The following MAPKAP1 variants were observed in gnomAD, a reference collection of about 807,000 sequenced individuals.
The protein encoded by MAPKAP1 is MAPK associated protein 1, also known as target of rapamycin complex 2 subunit MAPKAP1.
Under a neutral mutation model 65.7 loss-of-function variants are expected in MAPKAP1, and 20 were observed. The observed-to-expected ratio is 0.30, with a 90% CI of 0.21 to 0.44. MAPKAP1 has a LOEUF of 0.44. Ranked by LOEUF, MAPKAP1 falls within the 20% of genes least tolerant of loss-of-function variation. The pLI is 1.00. For missense variants in MAPKAP1, 423 were observed against 648.0 expected (o/e 0.65, Z 3.77); for synonymous variants, 222 against 244.3 (o/e 0.91, Z 0.85).
intron 7 of MAPKAP1, among the ~76,000 whole-genome samples, chr9:125,526,063 G>C (rs1757058111): frequency 6.6e-6 from 1 of 152,236 alleles, no homozygotes; most frequent in African/African-American, 2.4e-5. Context: ...CCGAGATTCA[G>C]GCTTGCTGGC....
At chr9:125,457,090 G>T (rs1853200078) in intron 10 of MAPKAP1, among the ~76,000 whole-genome samples, 1 of 151,306 alleles carries the variant, frequency 6.6e-6, no homozygotes, top group Non-Finnish European at 1.5e-5. Flanking sequence ...CTGGGTTCAA[G>T]CGATTCTCCT....
chr9:125,472,784 C>T (rs1227041735), intron 9 of MAPKAP1, among the ~76,000 whole-genome samples: 1 of 152,096 alleles, frequency 6.6e-6, no homozygotes, highest in Non-Finnish European at 1.5e-5. Flanking sequence ...GACAGGAAAA[C>T]CATTTATAAA....
intron 6 of MAPKAP1, chr9:125,559,242 G>A (rs934026636): frequency 6.4e-6 from 1 of 156,356 alleles, no homozygotes; most frequent in Non-Finnish European, 1.4e-5. Flanking sequence ...AATTTGGTCT[G>A]AGAGAAAATT....
intron 4 of MAPKAP1, among the ~76,000 whole-genome samples, chr9:125,622,565 C>A (rs1160196901): frequency 2.0e-5 from 3 of 151,828 alleles, no homozygotes; most frequent in Non-Finnish European, 1.5e-5. Context: ...CCTGCCTCAG[C>A]CTCCTGAGTA....
At chr9:125,653,730 A>G (rs1833955659) in intron 4 of MAPKAP1, among the ~76,000 whole-genome samples, 1 of 152,234 alleles carries the variant, frequency 6.6e-6, no homozygotes, top group Non-Finnish European at 1.5e-5. Context: ...TTACTACAGA[A>G]TAGGTTGCTT....
At chr9:125,442,354 G>A (rs1009967352) in intron 11 of MAPKAP1, among the ~76,000 whole-genome samples, 7 of 152,048 alleles carry the variant, frequency 4.6e-5, no homozygotes, top group Admixed American at 1.3e-4. Context: ...CATCTGCTTC[G>A]AGGGAGCATT....
intron 5 of MAPKAP1, chr9:125,565,581 A>G (rs971965956): frequency 1.7e-5 from 5 of 292,770 alleles, no homozygotes; most frequent in South Asian, 1.7e-4. Context: ...AAGGGAAAAA[A>G]GGTCATGAGG....
At chr9:125,463,020 G>T (rs1853554263) in intron 10 of MAPKAP1, among the ~76,000 whole-genome samples, 1 of 152,214 alleles carries the variant, frequency 6.6e-6, no homozygotes, top group African/African-American at 2.4e-5. Flanking sequence ...CTCTGGTTCA[G>T]CTCTAATATC....
Position 125,518,127 on chromosome 9 carries a change from T to C in MAPKAP1, c.959-11710A>G, listed in dbSNP as rs922404541. Reference sequence around the variant, plus strand: ...GCTAATATTCCTATCCTAAGAAATATTAGCCCAAGTATACAATGATGTATG... The same window carrying C: ...GCTAATATTCCTATCCTAAGAAATACTAGCCCAAGTATACAATGATGTATG... On this transcript the variant is annotated intron_variant, in intron 7 of 11. Transcript: ENST00000265960. Among the ~76,000 whole-genome samples the C allele has an allele frequency of 3.3e-5, 5 of 152,344 alleles. No homozygotes were observed. In the East Asian group the frequency reaches 7.7e-4, roughly 23 times the overall value.
chr9:125,693,948 C>G (rs998836118), intron 1 of MAPKAP1, among the ~76,000 whole-genome samples: 16 of 151,988 alleles, frequency 1.1e-4, no homozygotes, highest in African/African-American at 2.9e-4. Context: ...GAGGAAGTTC[C>G]CTTGAGCCCA....
chr9:125,491,763 G>C (rs2133054010), intron 8 of MAPKAP1, among the ~76,000 whole-genome samples: 1 of 150,492 alleles, frequency 6.6e-6, no homozygotes, highest in Middle Eastern at 3.4e-3. Flanking sequence ...CCTTGTGACA[G>C]AGACCCTATC....
intron 4 of MAPKAP1, among the ~76,000 whole-genome samples, chr9:125,638,892 G>A (rs1232897536): frequency 6.6e-6 from 1 of 152,220 alleles, no homozygotes; most frequent in African/African-American, 2.4e-5. Context: ...GGGAAAACAT[G>A]GAGCCACTTA....
At chr9:125,667,797 A>T (rs1167124475) in intron 3 of MAPKAP1, among the ~76,000 whole-genome samples, 1 of 152,226 alleles carries the variant, frequency 6.6e-6, no homozygotes, top group Non-Finnish European at 1.5e-5. Flanking sequence ...AGGAGCTTAA[A>T]TAAACTTGCT....
intron 4 of MAPKAP1, among the ~76,000 whole-genome samples, chr9:125,598,809 G>A (rs1012960984): frequency 2.6e-5 from 4 of 152,108 alleles, no homozygotes; most frequent in Admixed American, 1.3e-4. Flanking sequence ...GGAGGCTGAG[G>A]CAGCTGGATC....
At chr9:125,536,950 A>G (rs552153716) in intron 7 of MAPKAP1, among the ~76,000 whole-genome samples, 1 of 152,392 alleles carries the variant, frequency 6.6e-6, no homozygotes, top group Admixed American at 6.5e-5. Context: ...TTGTGCAATT[A>G]CAAAAAGAAT....
At chr9:125,446,902 G>C (rs987807142) in intron 10 of MAPKAP1, among the ~76,000 whole-genome samples, 7 of 152,158 alleles carry the variant, frequency 4.6e-5, no homozygotes, top group Non-Finnish European at 8.8e-5. Flanking sequence ...ACTTTAAGCA[G>C]AGCCCAATCT....
chr9:125,452,749 G>A lies in MAPKAP1; in HGVS notation c.1346-8151C>T, dbSNP rs138266553. On this transcript the variant is annotated intron_variant, in intron 10 of 11. Coordinates refer to ENST00000265960, the MANE Select transcript of MAPKAP1 (RefSeq NM_001006617.3). ...TCTACTAAAAATACAAAAACTAGCCGGGTGTGGTGGTGTGTGCCTGAGGCT... is the reference window on the plus strand; with the variant it reads ...TCTACTAAAAATACAAAAACTAGCCAGGTGTGGTGGTGTGTGCCTGAGGCT... Among the ~76,000 whole-genome samples the A allele has an allele frequency of 5.1e-3, 778 of 152,016 alleles. 5 individuals are homozygous for A. Among genetic ancestry groups the A allele is most frequent in the African/African-American group, 0.017 (703 of 41,496 alleles).
chr9:125,537,666 G>A (rs1038384768), intron 7 of MAPKAP1, among the ~76,000 whole-genome samples: 8 of 152,194 alleles, frequency 5.3e-5, no homozygotes, highest in Admixed American at 3.9e-4. Context: ...AATTTTTTGT[G>A]GAGACAGGGT....
chr9:125,537,293 C>T (rs1830101021), intron 7 of MAPKAP1, among the ~76,000 whole-genome samples: 2 of 151,984 alleles, frequency 1.3e-5, no homozygotes. Context: ...CTCTTTTTTC[C>T]TTTAACATTT....
Sources: allele counts gnomAD v4.1 joint callset (sites outside exome capture counted in the v4.1 genomes callset), GRCh38; gene constraint gnomAD v4.1.1; transcripts MANE v1.5; gene names NCBI Gene and HGNC (gene_info 2026-07-23, HGNC 2026-07-21).